Variants in ANO2 observed in about 807,000 individuals in gnomAD.
ANO2 encodes anoctamin 2, also known as anoctamin-2.
In ANO2, 101 loss-of-function variants were observed where a neutral mutation model predicts 124.2. That is an observed-to-expected ratio of 0.81 (90% CI 0.69 to 0.96). The LOEUF is 0.96. Ranked by LOEUF, ANO2 falls within the 40% of genes least tolerant of loss-of-function variation. The pLI is 0.00. For missense variants in ANO2, 1,293 were observed against 1,274.5 expected (o/e 1.01, Z -0.22); for synonymous variants, 486 against 482.5 (o/e 1.01, Z -0.09).
At chr12:5,742,273 A>T (rs143126405) in intron 12 of ANO2, among the ~76,000 whole-genome samples, 88 of 152,312 alleles carry the variant, frequency 5.8e-4, no homozygotes, top group African/African-American at 1.9e-3. Context: ...AATGAGAGGC[A>T]TTACTATTAT....
At chr12:5,827,546 G>A (rs1953999276) in intron 7 of ANO2, among the ~76,000 whole-genome samples, 1 of 152,180 alleles carries the variant, frequency 6.6e-6, no homozygotes, top group Admixed American at 6.5e-5. Flanking sequence ...TGGGAGGAGG[G>A]CCTGGGAGAA....
intron 19 of ANO2, among the ~76,000 whole-genome samples, chr12:5,610,060 ATATT>A (rs922406190): frequency 2.2e-5 from 3 of 134,908 alleles, no homozygotes; most frequent in Admixed American, 7.7e-5. Context: ...TTATATATAA[ATATT>A]TATGTTATAT....
chr12:5,766,016 C>A (rs969732046), intron 10 of ANO2, among the ~76,000 whole-genome samples: 1 of 152,116 alleles, frequency 6.6e-6, no homozygotes, highest in African/African-American at 2.4e-5. Context: ...CTCTACACAC[C>A]CATCAAAGTG....
intron 14 of ANO2, among the ~76,000 whole-genome samples, chr12:5,649,726 TC>T (rs1433185009): frequency 1.3e-5 from 2 of 152,104 alleles, no homozygotes; most frequent in African/African-American, 2.4e-5. Flanking sequence ...TGTCTCAGCC[TC>T]CCGACTAGCT....
intron 7 of ANO2, among the ~76,000 whole-genome samples, chr12:5,813,850 G>A (rs912318160): frequency 6.6e-6 from 1 of 152,180 alleles, no homozygotes; most frequent in African/African-American, 2.4e-5. Context: ...AAGAAGCTTA[G>A]AGAGCACTGA....
intron 14 of ANO2, among the ~76,000 whole-genome samples, chr12:5,717,320 G>T (rs951217910): frequency 6.6e-6 from 1 of 152,168 alleles, no homozygotes; most frequent in Non-Finnish European, 1.5e-5. Flanking sequence ...TGACCCAGAG[G>T]GTATGGAATT....
At chr12:5,578,230 G>A in intron 21 of ANO2, 136 bp downstream of exon 21, 3 of 1,327,676 alleles carry the variant, frequency 2.3e-6, no homozygotes, top group Non-Finnish European at 3.1e-6. Flanking sequence ...CTGCACTTCA[G>A]GATATGAGGA....
chr12:5,608,807 A>G (rs991035632), intron 19 of ANO2: 3 of 152,284 alleles, frequency 2.0e-5, no homozygotes, highest in African/African-American at 7.2e-5. Context: ...AGACATGCCA[A>G]CGTGTTGTCC....
At chr12:5,707,433 G>T (rs1949654450) in intron 14 of ANO2, among the ~76,000 whole-genome samples, 2 of 152,136 alleles carry the variant, frequency 1.3e-5, no homozygotes, top group African/African-American at 4.8e-5. Context: ...AATTCCTTTA[G>T]GTCTATATCA....
intron 7 of ANO2, among the ~76,000 whole-genome samples, chr12:5,820,170 G>C (rs1953740598): frequency 6.6e-6 from 1 of 152,136 alleles, no homozygotes; most frequent in East Asian, 1.9e-4. Flanking sequence ...GGGTCCCCTT[G>C]AGGAAGGACC....
intron 3 of ANO2, among the ~76,000 whole-genome samples, chr12:5,903,483 T>C (rs2136284584): frequency 6.6e-6 from 1 of 152,344 alleles, no homozygotes; most frequent in East Asian, 1.9e-4. Flanking sequence ...AAGTATCATA[T>C]AATTTCCCCA....
At chr12:5,583,454 C>G in intron 20 of ANO2, among the ~76,000 whole-genome samples, 1 of 151,686 alleles carries the variant, frequency 6.6e-6, no homozygotes, top group East Asian at 1.9e-4. Flanking sequence ...GAGATCGAGA[C>G]CATCTTGGCT....
intron 12 of ANO2, chr12:5,740,041 T>A (rs1209904276): frequency 4.4e-6 from 2 of 450,274 alleles, no homozygotes; most frequent in Non-Finnish European, 8.9e-6. Context: ...TACACATCCA[T>A]CAGTTTGCCT....
chr12:5,736,495 G>C (rs1413313507), intron 13 of ANO2, among the ~76,000 whole-genome samples: 1 of 152,154 alleles, frequency 6.6e-6, no homozygotes, highest in Non-Finnish European at 1.5e-5. Context: ...GAGGTGTCTG[G>C]TTAAAATAGA....
At position 5,744,237 on chromosome 12, in the gene ANO2, G is replaced by T. The variant is rs201903128; in HGVS notation, c.1271C>A (p.Ser424Ter). The T allele has an allele frequency of 6.2e-7, 1 of 1,612,802 alleles. No homozygotes were observed. The highest frequency in any genetic ancestry group is 1.7e-5 in the Admixed American group (1 of 60,000). Residue 424 changes from serine to a stop codon, truncating the protein, a stop_gained, in exon 12 of 25, where the codon TCA becomes TAA. Coordinates refer to ENST00000682330, the MANE Select transcript of ANO2 (RefSeq NM_001364791.2). LOFTEE classifies it high-confidence loss of function. ...DKSCDYWNLS[S>*]ACGTAQASHL... ...GCTGGCCTGCGCGGTCCCACAGGCT[G>T]AGCTGAGGTTCCAGTAATCACAGGA...
chr12:5,773,237 T>A (rs1405737978), intron 10 of ANO2, among the ~76,000 whole-genome samples: 3 of 152,232 alleles, frequency 2.0e-5, no homozygotes, highest in South Asian at 2.1e-4. Flanking sequence ...TGCTTCCCCA[T>A]TTTTTGTTGA....
At chr12:5,852,108 G>T in intron 4 of ANO2, 1 of 643,250 alleles carries the variant, frequency 1.6e-6, no homozygotes, top group Admixed American at 2.3e-5. Context: ...AGAGGAGATA[G>T]GGTTGGCCAA....
chr12:5,786,096 T>C (rs1379500106), intron 10 of ANO2, among the ~76,000 whole-genome samples: 1 of 151,836 alleles, frequency 6.6e-6, no homozygotes, highest in African/African-American at 2.4e-5. Context: ...GCCCCTGGGG[T>C]GGTGCTTCCA....
chr12:5,640,616 A>G (rs544911144), intron 15 of ANO2, among the ~76,000 whole-genome samples: 2 of 152,356 alleles, frequency 1.3e-5, no homozygotes, highest in South Asian at 4.1e-4. Context: ...CAACAGACAC[A>G]TGAAAAAATG....
Sources: gnomAD v4.1 joint callset for allele counts (sites outside exome capture counted in the v4.1 genomes callset) on GRCh38, gnomAD v4.1.1 for gene constraint, MANE v1.5 for transcripts, NCBI Gene and HGNC (gene_info 2026-07-23, HGNC 2026-07-21) for gene names.